Variants in ABCB1 observed in about 807,000 individuals in gnomAD.
The protein encoded by ABCB1 is ATP binding cassette subfamily B member 1.
ABCB1 carries 69 observed loss-of-function variants against 142.0 expected under a neutral mutation model. The ratio of observed to expected loss-of-function variants is 0.49; its 90% CI spans 0.40 to 0.59. The LOEUF is 0.59. ABCB1 is among the 20% of genes least tolerant of loss of function. The probability of loss-of-function intolerance (pLI) is 0.00; values close to 1 mark genes in which losing one functional copy is unlikely to be tolerated. For synonymous variants in ABCB1, 532 were observed against 539.2 expected (o/e 0.99, Z 0.18); for missense variants, 1,326 against 1,554.7 (o/e 0.85, Z 2.47).
At chr7:87,532,751 T>A (rs115487598) in intron 20 of ABCB1, among the ~76,000 whole-genome samples, 1 of 152,222 alleles carries the variant, frequency 6.6e-6, no homozygotes. Flanking sequence ...GTAGCTATTC[T>A]TAATTTTTTC....
In ABCB1 at chr7:87,503,960, C is replaced by T. The variant is rs200253092; in HGVS notation, c.*283G>A. ...TTTTAGCAAGGCAGTCAGTTACAGT[C>T]CAAATGGGAAAATATAAACAAAATT... is the stretch of plus-strand genomic sequence containing the variant. On this transcript the variant is annotated 3_prime_UTR_variant, in exon 28 of 28. Transcript: ENST00000622132. 1.1e-5 allele frequency: 5 copies of T among 464,012 alleles called. No homozygotes were observed. Among genetic ancestry groups the T allele is most frequent in the Non-Finnish European group, 1.9e-5 (5 of 256,670 alleles). The allele number at this position is 464,012 out of a possible 1,614,324, so 28.7% of individuals were successfully genotyped here.
intron 1 of ABCB1, among the ~76,000 whole-genome samples, chr7:87,649,171 C>T (rs562365222): frequency 1.3e-5 from 2 of 152,240 alleles, no homozygotes; most frequent in South Asian, 4.1e-4. Context: ...TTTGAGGTGA[C>T]AGGACTGTTT....
At position 87,574,774 on chromosome 7, in the gene ABCB1, G is replaced by A. The variant is rs141879266; in HGVS notation, c.287-4551C>T. ...GTGACTCATCTTGCAATAGAACTCCGTAGTAATTGACAGATGATTCAACTT... is the reference window on the plus strand; with the variant it reads ...GTGACTCATCTTGCAATAGAACTCCATAGTAATTGACAGATGATTCAACTT... On this transcript the variant is annotated intron_variant, in intron 4 of 27. Transcript: ENST00000622132. 9.7e-4 allele frequency among the ~76,000 whole-genome samples: 148 copies of A among 152,198 alleles called. 1 individual carries two copies. The highest frequency in any genetic ancestry group is 1.5e-3 in the Non-Finnish European group (104 of 67,996).
In ABCB1 at chr7:87,543,180, G is replaced by C. The variant is rs191403151; in HGVS notation, c.2211+949C>G. 1.4e-4 allele frequency among the ~76,000 whole-genome samples: 21 copies of C among 152,248 alleles called. 1 individual carries two copies. The East Asian group carries it at 4.1e-3, about 29-fold the overall frequency. On this transcript the variant is annotated intron_variant, in intron 17 of 27. Transcript: ENST00000622132. ...ATGGTGGTGCAGGCCTATAATCCCA[G>C]CTACACAGGAGGCTGAGGCAGGAGA...
chr7:87,629,089 C>T (rs1820928015), intron 1 of ABCB1: 2 of 777,164 alleles, frequency 2.6e-6, no homozygotes, highest in Non-Finnish European at 3.6e-6. Context: ...TCTGTGAGCG[C>T]GCAGCTCCTT....
chr7:87,508,787 G>A lies in ABCB1; in HGVS notation c.3489+488C>T, dbSNP rs1414840885. 2.6e-5 allele frequency among the ~76,000 whole-genome samples: 4 copies of A among 152,302 alleles called. No homozygotes were observed. The East Asian group carries it at 7.7e-4, about 29-fold the overall frequency. On this transcript the variant is annotated intron_variant, in intron 26 of 27. Transcript: ENST00000622132. ...CTCCACAGTGAGTTTTGAGGCTTGGGAGAGAGCTGCAAGGAGGAAGAAGGA... is the reference window on the plus strand; with the variant it reads ...CTCCACAGTGAGTTTTGAGGCTTGGAAGAGAGCTGCAAGGAGGAAGAAGGA...
chr7:87,679,296 T>C (rs1453326028), intron 1 of ABCB1, among the ~76,000 whole-genome samples: 1 of 149,512 alleles, frequency 6.7e-6, no homozygotes, highest in Non-Finnish European at 1.5e-5. Context: ...AGTTTCACAG[T>C]GTTAGCCAGG....
chr7:87,509,988 G>T (rs1814932433), intron 25 of ABCB1, among the ~76,000 whole-genome samples: 1 of 152,068 alleles, frequency 6.6e-6, no homozygotes, highest in South Asian at 2.1e-4. Context: ...GGAGGAAGGG[G>T]CCACAAGCAA....
intron 21 of ABCB1, among the ~76,000 whole-genome samples, chr7:87,529,929 C>T (rs1430340188): frequency 6.6e-6 from 1 of 152,182 alleles, no homozygotes; most frequent in African/African-American, 2.4e-5. Flanking sequence ...CAGAAATAGG[C>T]CTCCGGGAGC....
intron 1 of ABCB1, among the ~76,000 whole-genome samples, chr7:87,706,798 A>G (rs1030258792): frequency 1.3e-5 from 2 of 152,184 alleles, no homozygotes; most frequent in East Asian, 3.9e-4. Context: ...TTGTGCATGC[A>G]GTTTTCCTAT....
Position 87,585,538 on chromosome 7 carries a change from T to A in ABCB1, c.260A>T (p.Asp87Val). 1.2e-6 allele frequency: 2 copies of A among 1,613,850 alleles called. No homozygotes were observed. The part of the protein sequence containing the change: ...DIFANAGNLE[D>V]LMSNITNRSD... Reference sequence around the variant, plus strand: ...TCTATTAGTGATGTTTGACATCAGATCTTCTAAATTTCCTGCATTTGCAAA... The same window carrying A: ...TCTATTAGTGATGTTTGACATCAGAACTTCTAAATTTCCTGCATTTGCAAA... Residue 87 changes from aspartate (D) to valine (V), a missense_variant, in exon 4 of 28, where the codon GAT (aspartate) becomes GTT (valine). By Grantham distance (152) the Asp-to-Val change is radical. Coordinates refer to ENST00000622132, the MANE Select transcript of ABCB1 (RefSeq NM_001348946.2).
chr7:87,525,470 C>T (rs1815742117), intron 21 of ABCB1, among the ~76,000 whole-genome samples: 1 of 152,092 alleles, frequency 6.6e-6, no homozygotes, highest in African/African-American at 2.4e-5. Flanking sequence ...AACTTAACTA[C>T]TAATAGCCTG....
At chr7:87,511,050 G>A (rs941658133) in intron 25 of ABCB1, among the ~76,000 whole-genome samples, 16 of 152,056 alleles carry the variant, frequency 1.1e-4, no homozygotes, top group Admixed American at 6.6e-4. Context: ...ATAATCACAG[G>A]CAAATCTGAA....
intron 4 of ABCB1, 50 bp from the exon 5 acceptor site, chr7:87,570,273 TA>T (rs1358685378): frequency 1.3e-6 from 2 of 1,518,066 alleles, no homozygotes; most frequent in African/African-American, 1.4e-5. Context: ...TAGTCTCCAT[TA>T]AAAATAAACA....
intron 14 of ABCB1, among the ~76,000 whole-genome samples, chr7:87,547,206 G>C (rs190594060): frequency 7.9e-5 from 12 of 152,094 alleles, no homozygotes; most frequent in Non-Finnish European, 1.8e-4. Context: ...CATAGGATAA[G>C]TAGAAGTGGA....
At chr7:87,574,596 T>G (rs1185219615) in intron 4 of ABCB1, among the ~76,000 whole-genome samples, 1 of 152,082 alleles carries the variant, frequency 6.6e-6, no homozygotes, top group Non-Finnish European at 1.5e-5. Context: ...CACCGAAGAG[T>G]TTACTGTTCC....
At chr7:87,688,332 A>G (rs945396568) in intron 1 of ABCB1, among the ~76,000 whole-genome samples, 1 of 152,042 alleles carries the variant, frequency 6.6e-6, no homozygotes, top group Non-Finnish European at 1.5e-5. Context: ...AATAATCACT[A>G]CATAGTTTCT....
chr7:87,603,386 T>C (rs767840458), upstream of ABCB1, among the ~76,000 whole-genome samples: 1 of 152,180 alleles, frequency 6.6e-6, no homozygotes, highest in Non-Finnish European at 1.5e-5. Context: ...AACTGTACTC[T>C]TAACCACTAT....
intron 4 of ABCB1, among the ~76,000 whole-genome samples, chr7:87,582,951 C>G (rs1293183969): frequency 1.3e-5 from 2 of 151,976 alleles, no homozygotes; most frequent in African/African-American, 4.8e-5. Flanking sequence ...GGCTGGTAAC[C>G]AAGGAAATTC....
Sources: allele counts gnomAD v4.1 joint callset (sites outside exome capture counted in the v4.1 genomes callset), GRCh38; gene constraint gnomAD v4.1.1; transcripts MANE v1.5; gene names NCBI Gene and HGNC (gene_info 2026-07-23, HGNC 2026-07-21).